The following PPM1E variants were observed in gnomAD, a reference collection of about 807,000 sequenced individuals.
The protein encoded by PPM1E is protein phosphatase, Mg2+/Mn2+ dependent 1E.
Under a neutral mutation model 65.9 loss-of-function variants are expected in PPM1E, and 20 were observed. The observed-to-expected ratio is 0.30, with a 90% CI of 0.21 to 0.44. The LOEUF (loss-of-function observed/expected upper bound fraction) is 0.44, where lower values mean the gene tolerates loss of function less well. Ranked by LOEUF, PPM1E falls within the 20% of genes least tolerant of loss-of-function variation. The pLI is 1.00. For synonymous variants in PPM1E, 352 were observed against 374.9 expected (o/e 0.94, Z 0.70); for missense variants, 713 against 953.1 (o/e 0.75, Z 3.32).
intron 1 of PPM1E, among the ~76,000 whole-genome samples, chr17:58,784,504 C>CTT (rs34002789): frequency 8.7e-4 from 120 of 137,184 alleles, no homozygotes; most frequent in Non-Finnish European, 1.3e-3. Context: ...CCCCCCACCA[C>CTT]TTTTTTTTTT....
At position 58,804,685 on chromosome 17, in the gene PPM1E, AT is replaced by A. The variant is rs1429690160; in HGVS notation, c.464+48225del. Among the ~76,000 whole-genome samples, 4 of 152,196 alleles carry A rather than the reference AT, an allele frequency of 2.6e-5. No individual in the cohort carries two copies. In the East Asian group the frequency reaches 7.7e-4, roughly 29 times the overall value. Reference sequence around the variant, plus strand: ...ATTTGATATGAATAAATTTGAGAAAATATTATTTAAAATATACTCTGTTACA... The same window carrying A: ...ATTTGATATGAATAAATTTGAGAAAAATTATTTAAAATATACTCTGTTACA... On this transcript the variant is annotated intron_variant, in intron 1 of 6. Transcript: ENST00000308249.
chr17:58,972,728 C>T, intron 5 of PPM1E, 104 bp from the exon 6 acceptor site: 1 of 1,022,924 alleles, frequency 9.8e-7, no homozygotes, highest in East Asian at 2.5e-5. Flanking sequence ...ACAAAGAGAA[C>T]CTTTTCATGA....
intron 1 of PPM1E, among the ~76,000 whole-genome samples, chr17:58,912,068 C>A (rs1323153417): frequency 6.6e-6 from 1 of 152,156 alleles, no homozygotes; most frequent in East Asian, 1.9e-4. Context: ...ACTGTACAAT[C>A]TAAGCTGACC....
intron 1 of PPM1E, among the ~76,000 whole-genome samples, chr17:58,830,035 C>T (rs990591543): frequency 6.6e-6 from 1 of 151,980 alleles, no homozygotes; most frequent in African/African-American, 2.4e-5. Context: ...ATTAGCCAGG[C>T]ATGGTGGCCC....
At chr17:58,871,863 T>C (rs965504404) in intron 1 of PPM1E, among the ~76,000 whole-genome samples, 1 of 151,754 alleles carries the variant, frequency 6.6e-6, no homozygotes, top group African/African-American at 2.4e-5. Context: ...TATTTGTCAG[T>C]TGTCAGTTGA....
chr17:58,980,626 T>C lies in PPM1E; in HGVS notation c.1863T>C (p.Ser621=). The change falls in exon 7 of 7, where the codon AGT becomes AGC. Residue 621 remains serine (S), a synonymous_variant. Transcript: ENST00000308249. This position sits in a 1 kb window ranked among gnomAD's most constrained non-coding sequence, Gnocchi z 4.7. ...KSVQSSLPEW[S]GAGEFPTAFN... ...TTCAGTCATCATTGCCTGAATGGAG[T>C]GGTGCTGGAGAGTTTCCCACTGCTT... 6.2e-7 allele frequency: 1 copy of C among 1,613,784 alleles called. No individual in the cohort carries two copies. The highest frequency in any genetic ancestry group is 8.5e-7 in the Non-Finnish European group (1 of 1,179,916).
chr17:58,827,348 G>C (rs920885853), intron 1 of PPM1E, among the ~76,000 whole-genome samples: 1 of 151,194 alleles, frequency 6.6e-6, no homozygotes, highest in Admixed American at 6.6e-5. Flanking sequence ...CATGTTGGCC[G>C]GGCTGGTCTC....
At chr17:58,897,721 C>T (rs940804245) in intron 1 of PPM1E, 1 of 152,170 alleles carries the variant, frequency 6.6e-6, no homozygotes, top group East Asian at 1.9e-4. Flanking sequence ...TTTGCCACTG[C>T]TGAATCAGTG....
chr17:58,951,522 T>A (rs2052237854), intron 1 of PPM1E: 1 of 151,932 alleles, frequency 6.6e-6, no homozygotes, highest in South Asian at 2.1e-4. Flanking sequence ...CTACAAAAAA[T>A]ACAAAAATTA....
intron 1 of PPM1E, among the ~76,000 whole-genome samples, chr17:58,771,965 A>G (rs1041052952): frequency 5.9e-5 from 9 of 152,178 alleles, no homozygotes; most frequent in African/African-American, 1.9e-4. Flanking sequence ...TTATAACTCT[A>G]CTATGTGTGA....
intron 1 of PPM1E, among the ~76,000 whole-genome samples, chr17:58,939,423 C>T (rs776052944): frequency 3.9e-5 from 6 of 152,132 alleles, no homozygotes; most frequent in Admixed American, 2.0e-4. Context: ...TTGTAGAACA[C>T]TTACTGTTAG....
intron 2 of PPM1E, among the ~76,000 whole-genome samples, chr17:58,961,862 G>A (rs1179494381): frequency 6.6e-6 from 1 of 152,090 alleles, no homozygotes; most frequent in Non-Finnish European, 1.5e-5. Context: ...GGAGTGCAGT[G>A]GCTATTCACA....
In PPM1E at chr17:58,936,113, C is replaced by T. The variant is rs2051976923; in HGVS notation, c.465-19536C>T. On this transcript the variant is annotated intron_variant, in intron 1 of 6. Coordinates refer to ENST00000308249, the MANE Select transcript of PPM1E (RefSeq NM_014906.5). ...TTGTAGAAAAACTAATGAAGAGAAT[C>T]GGTGGTGTGTGGGCATTGCAATCAG... 2.0e-5 allele frequency among the ~76,000 whole-genome samples: 3 copies of T among 152,026 alleles called. No individual in the cohort carries two copies. In the South Asian group the frequency reaches 6.2e-4, roughly 32 times the overall value.
At position 58,890,382 on chromosome 17, in the gene PPM1E, G is replaced by A. The variant is rs73315133; in HGVS notation, c.465-65267G>A. Among the ~76,000 whole-genome samples, 1,334 of 152,130 alleles carry A rather than the reference G, an allele frequency of 8.8e-3. 24 individuals carry two copies. The highest frequency in any genetic ancestry group is 0.03 in the African/African-American group (1,225 of 41,492). ...TTATCAGCACAAAGCATAAAAATGC[G>A]AAAAACATAGCGTGAAAGAGACTGA... is the stretch of plus-strand genomic sequence containing the variant. On this transcript the variant is annotated intron_variant, in intron 1 of 6. Transcript: ENST00000308249.
intron 1 of PPM1E, among the ~76,000 whole-genome samples, chr17:58,838,967 A>C (rs1433760572): frequency 6.6e-6 from 1 of 152,172 alleles, no homozygotes; most frequent in African/African-American, 2.4e-5. Context: ...ATTCTGGAGG[A>C]GGAAAATTAT....
chr17:58,937,966 C>T (rs905294153), intron 1 of PPM1E, among the ~76,000 whole-genome samples: 34 of 151,328 alleles, frequency 2.2e-4, no homozygotes, highest in Admixed American at 9.2e-4. Flanking sequence ...CTAATGGATT[C>T]ACTGCAAGGA....
intron 1 of PPM1E, among the ~76,000 whole-genome samples, chr17:58,778,924 A>G (rs1018333072): frequency 3.7e-5 from 3 of 80,210 alleles, no homozygotes; most frequent in African/African-American, 1.7e-4. Context: ...GAGATGATAC[A>G]TACATATATA....
chr17:58,881,638 G>T (rs1952756445), intron 1 of PPM1E, among the ~76,000 whole-genome samples: 1 of 152,108 alleles, frequency 6.6e-6, no homozygotes, highest in Admixed American at 6.5e-5. Context: ...CTCCAGCCTG[G>T]TGACAGAGTG....
chr17:58,898,971 A>G (rs758635958), intron 1 of PPM1E, among the ~76,000 whole-genome samples: 50 of 150,698 alleles, frequency 3.3e-4, no homozygotes, highest in Non-Finnish European at 5.9e-4. Flanking sequence ...GAACACTTGG[A>G]CACAGGGCGA....
Sources: gnomAD v4.1 joint callset for allele counts (sites outside exome capture counted in the v4.1 genomes callset) on GRCh38, gnomAD v4.1.1 for gene constraint, Gnocchi (gnomAD v3.1) non-coding constraint, MANE v1.5 for transcripts, NCBI Gene and HGNC (gene_info 2026-07-23, HGNC 2026-07-21) for gene names.